The following PIGN variants were observed in gnomAD, a reference collection of about 807,000 sequenced individuals.
PIGN encodes the protein phosphatidylinositol glycan anchor biosynthesis class N, also known as GPI ethanolamine phosphate transferase 1.
A neutral mutation model predicts 125.4 loss-of-function variants in PIGN; 117 were observed. The observed-to-expected ratio is 0.93, with a 90% CI of 0.80 to 1.09. The LOEUF is 1.09. PIGN is among the 50% of genes least tolerant of loss of function. The pLI, the probability that PIGN is intolerant of heterozygous loss-of-function variation, is 0.00. For synonymous variants in PIGN, 392 were observed against 377.8 expected (o/e 1.04, Z -0.44); for missense variants, 1,075 against 1,094.9 (o/e 0.98, Z 0.26).
chr18:62,172,285 C>T (rs578053854), intron 1 of PIGN, among the ~76,000 whole-genome samples: 148 of 152,084 alleles, frequency 9.7e-4, no homozygotes, highest in Non-Finnish European at 1.6e-3. Flanking sequence ...ATCCCTTTTT[C>T]CTGTCCTGCA....
At chr18:62,049,374 G>A (rs2031047986) in intron 30 of PIGN, among the ~76,000 whole-genome samples, 1 of 149,386 alleles carries the variant, frequency 6.7e-6, no homozygotes, top group Admixed American at 6.7e-5. Flanking sequence ...GTTGTTTCCT[G>A]ACTTTTTAAT....
chr18:62,180,149 T>C (rs1445096727), intron 1 of PIGN, among the ~76,000 whole-genome samples: 1 of 152,194 alleles, frequency 6.6e-6, no homozygotes, highest in Admixed American at 6.5e-5. Context: ...TGGACTGCAA[T>C]TAGCCTTCTT....
intron 1 of PIGN, among the ~76,000 whole-genome samples, chr18:62,179,019 G>C (rs896812106): frequency 6.6e-6 from 1 of 152,142 alleles, no homozygotes; most frequent in African/African-American, 2.4e-5. Context: ...TGATGACCTT[G>C]TGAGTTTTGA....
chr18:62,099,824 G>A (rs2034364632), intron 22 of PIGN, among the ~76,000 whole-genome samples: 1 of 152,024 alleles, frequency 6.6e-6, no homozygotes, highest in Non-Finnish European at 1.5e-5. Context: ...ACTCAAAATG[G>A]ATTAAAGGCT....
At chr18:62,069,647 T>A (rs977830141) in intron 30 of PIGN, 2 of 152,176 alleles carry the variant, frequency 1.3e-5, no homozygotes, top group Admixed American at 1.3e-4. Flanking sequence ...AGTCATCAAA[T>A]TCATAGAAAC....
chr18:62,135,314 T>C (rs1249101887), intron 14 of PIGN, among the ~76,000 whole-genome samples: 1 of 152,158 alleles, frequency 6.6e-6, no homozygotes, highest in Non-Finnish European at 1.5e-5. Context: ...CTTAGATTTT[T>C]TTGACCATAT....
At chr18:62,089,108 T>A (rs1034690300) in intron 24 of PIGN, among the ~76,000 whole-genome samples, 3 of 151,702 alleles carry the variant, frequency 2.0e-5, no homozygotes, top group African/African-American at 7.3e-5. Context: ...GAGAATTGAG[T>A]TTTTTCTTAT....
intron 1 of PIGN, among the ~76,000 whole-genome samples, chr18:62,179,270 C>G (rs2037634241): frequency 6.6e-6 from 1 of 152,120 alleles, no homozygotes; most frequent in Non-Finnish European, 1.5e-5. Context: ...TGTAAAGTTT[C>G]TCCATGTAAA....
chr18:62,142,680 C>T (rs1227900755), intron 11 of PIGN, among the ~76,000 whole-genome samples: 1 of 152,142 alleles, frequency 6.6e-6, no homozygotes, highest in Admixed American at 6.6e-5. Context: ...ACTTTGGAAG[C>T]CATATCCCAA....
chr18:62,160,484 C>T lies in PIGN; in HGVS notation c.221+649G>A, dbSNP rs539773110. ...AATTAGTAATTCATTAATATTTATG[C>T]TTGTCTTTATTTTGTAAAATTAGCA... On this transcript the variant is annotated intron_variant, in intron 4 of 30. Transcript: ENST00000640252. Among the ~76,000 whole-genome samples, 6 of 150,930 alleles carry T rather than the reference C, an allele frequency of 4.0e-5. No homozygotes were observed. The East Asian group carries it at 5.8e-4, about 15-fold the overall frequency.
chr18:62,178,557 C>G lies in PIGN; in HGVS notation c.-236+8287G>C, dbSNP rs539006222. Among the ~76,000 whole-genome samples the G allele has an allele frequency of 6.7e-5, 10 of 150,328 alleles. 1 individual carries two copies. In the South Asian group the frequency reaches 2.1e-3, roughly 32 times the overall value. On this transcript the variant is annotated intron_variant, in intron 1 of 30. Coordinates refer to ENST00000640252, the MANE Select transcript of PIGN (RefSeq NM_176787.5). ...GGGTGAGGCGAGAGGATTGCTTGAG[C>G]CTAGGAATTCAAGGCTAGCCTGGGA...
At chr18:62,090,688 T>C (rs1451574597) in intron 23 of PIGN, 110 bp from the exon 24 acceptor site, 1 of 598,466 alleles carries the variant, frequency 1.7e-6, no homozygotes, top group Non-Finnish European at 2.9e-6. Context: ...ATAATACTTC[T>C]AAGTCACAAT....
chr18:62,175,080 A>AATATAAT lies in PIGN; in HGVS notation c.-235-11425_-235-11424insATTATAT, dbSNP rs1555700598. On this transcript the variant is annotated intron_variant, in intron 1 of 30. Coordinates refer to ENST00000640252, the MANE Select transcript of PIGN (RefSeq NM_176787.5). ...TTATATATAATAAATATATATATTT[A>AATATAAT]ATATATCTAATATATATAATGTTTA... Among the ~76,000 whole-genome samples the AATATAAT allele has an allele frequency of 1.0e-3, 146 of 145,974 alleles. 1 individual carries two copies. The highest frequency in any genetic ancestry group is 3.3e-3 in the African/African-American group (134 of 40,176).
chr18:62,130,339 A>T (rs1297285104), intron 14 of PIGN, among the ~76,000 whole-genome samples: 1 of 152,162 alleles, frequency 6.6e-6, no homozygotes, highest in South Asian at 2.1e-4. Flanking sequence ...TGGTTTTACT[A>T]TTTGTTGTTC....
At chr18:62,151,512 T>G (rs898923148) in intron 7 of PIGN, among the ~76,000 whole-genome samples, 2 of 152,146 alleles carry the variant, frequency 1.3e-5, no homozygotes, top group Non-Finnish European at 2.9e-5. Flanking sequence ...CTAAACACAC[T>G]ATGCATGCTC....
chr18:62,035,645 T>C (rs1046653629), intron 23 of PIGN, among the ~76,000 whole-genome samples: 2 of 152,150 alleles, frequency 1.3e-5, no homozygotes, highest in African/African-American at 2.4e-5. Context: ...TCATTTACAT[T>C]AGGTATATCT....
In PIGN at chr18:62,042,018, TTTAA is replaced by T. The variant is rs1275547607; in HGVS notation, c.*3834_*3837del. ...TTTGACTAGATGTTTCTCAAATATA[TTTAA>T]TTAAGAAACTCTTTTCAGCTGGGTG... is the stretch of plus-strand genomic sequence containing the variant. On this transcript the variant is annotated 3_prime_UTR_variant, in exon 31 of 31. Coordinates refer to ENST00000640252, the MANE Select transcript of PIGN (RefSeq NM_176787.5). 1 of 152,144 alleles carries T rather than the reference TTTAA, an allele frequency of 6.6e-6. No homozygotes were observed. Among genetic ancestry groups the T allele is most frequent in the African/African-American group, 2.4e-5 (1 of 41,426 alleles). 9.4% of individuals were successfully genotyped at this position (152,144 alleles called of 1,614,324 possible).
At chr18:62,074,393 T>C (rs948620390) in intron 29 of PIGN, among the ~76,000 whole-genome samples, 25 of 152,182 alleles carry the variant, frequency 1.6e-4, no homozygotes, top group African/African-American at 6.0e-4. Context: ...ATTTCCTGTT[T>C]CCTTCCTTCC....
intron 14 of PIGN, 140 bp downstream of exon 14, chr18:62,138,103 G>A: frequency 8.5e-7 from 1 of 1,179,116 alleles, no homozygotes; most frequent in Non-Finnish European, 1.2e-6. Context: ...CAATAGAAGA[G>A]GATTTCAATT....
Sources: allele counts gnomAD v4.1 joint callset (sites outside exome capture counted in the v4.1 genomes callset), GRCh38; gene constraint gnomAD v4.1.1; transcripts MANE v1.5; gene names NCBI Gene and HGNC (gene_info 2026-07-23, HGNC 2026-07-21).